MAGI1: variants seen among roughly 807,000 people sequenced by gnomAD.
The protein encoded by MAGI1 is membrane-associated guanylate kinase, WW and PDZ domain-containing protein 1.
Under a neutral mutation model 139.9 loss-of-function variants are expected in MAGI1, and 58 were observed. The ratio of observed to expected loss-of-function variants is 0.41; its 90% CI spans 0.34 to 0.52. The LOEUF (loss-of-function observed/expected upper bound fraction) is 0.52, where lower values mean the gene tolerates loss of function less well. MAGI1 is among the 20% of genes least tolerant of loss of function. The probability of loss-of-function intolerance (pLI) is 0.12; values close to 1 mark genes in which losing one functional copy is unlikely to be tolerated. For missense variants in MAGI1, 1,874 were observed against 1,901.6 expected (o/e 0.99, Z 0.27); for synonymous variants, 812 against 737.9 (o/e 1.10, Z -1.63).
At chr3:65,609,753 T>C in intron 2 of MAGI1, 1 of 332,846 alleles carries the variant, frequency 3.0e-6, no homozygotes, top group South Asian at 2.6e-5. Flanking sequence ...CCTGGGTAAT[T>C]TTTTGTAGAG....
chr3:65,891,516 A>C (rs1288280056), intron 1 of MAGI1, among the ~76,000 whole-genome samples: 2 of 152,176 alleles, frequency 1.3e-5, no homozygotes. Flanking sequence ...TGTTAGATTA[A>C]GGGACAGAAG....
intron 2 of MAGI1, among the ~76,000 whole-genome samples, chr3:65,609,578 T>C (rs2082933633): frequency 6.6e-6 from 1 of 151,384 alleles, no homozygotes. Context: ...CGGGTTTTTT[T>C]TGTTTTTTGT....
At chr3:65,713,088 A>G (rs2031706658) in intron 1 of MAGI1, among the ~76,000 whole-genome samples, 1 of 152,220 alleles carries the variant, frequency 6.6e-6, no homozygotes, top group Non-Finnish European at 1.5e-5. Flanking sequence ...AAAGTCCTAG[A>G]GAGAGAATAG....
intron 1 of MAGI1, among the ~76,000 whole-genome samples, chr3:65,955,095 C>G (rs748285899): frequency 1.6e-4 from 25 of 151,792 alleles, no homozygotes; most frequent in Non-Finnish European, 3.1e-4. Flanking sequence ...CTTAACTTCC[C>G]GAAAGAGAGA....
chr3:65,364,598 A>G, intron 20 of MAGI1, 67 bp downstream of exon 20: 1 of 1,398,456 alleles, frequency 7.2e-7, no homozygotes, highest in Admixed American at 1.8e-5. Context: ...AATATCCCAT[A>G]AAAGTAGCTT....
intron 1 of MAGI1, among the ~76,000 whole-genome samples, chr3:65,729,553 T>G (rs1386912401): frequency 2.6e-5 from 4 of 152,226 alleles, no homozygotes; most frequent in Non-Finnish European, 4.4e-5. Flanking sequence ...GAAACAACAC[T>G]GAATCTAACT....
intron 2 of MAGI1, among the ~76,000 whole-genome samples, chr3:65,593,013 C>G (rs1375794412): frequency 6.6e-6 from 1 of 152,102 alleles, no homozygotes; most frequent in Admixed American, 6.5e-5. Flanking sequence ...ACATAGTAGG[C>G]ACTCAAATAT....
At chr3:65,502,099 A>G (rs1321027667) in intron 2 of MAGI1, among the ~76,000 whole-genome samples, 2 of 152,216 alleles carry the variant, frequency 1.3e-5, no homozygotes, top group Non-Finnish European at 2.9e-5. Context: ...TGGTGGTTGC[A>G]CGACTGTGCT....
At chr3:65,710,953 T>C (rs962613096) in intron 1 of MAGI1, among the ~76,000 whole-genome samples, 8 of 152,222 alleles carry the variant, frequency 5.3e-5, no homozygotes, top group African/African-American at 1.7e-4. Context: ...CCCCTAAATA[T>C]AGACCTTCAA....
intron 1 of MAGI1, among the ~76,000 whole-genome samples, chr3:65,722,899 G>A (rs2033200023): frequency 1.3e-5 from 2 of 152,000 alleles, no homozygotes; most frequent in South Asian, 4.2e-4. Flanking sequence ...TAGGGGAGGG[G>A]TGGAGGGGCT....
At chr3:65,471,054 GGA>G (rs1412748454) in intron 4 of MAGI1, among the ~76,000 whole-genome samples, 3 of 152,172 alleles carry the variant, frequency 2.0e-5, no homozygotes, top group Non-Finnish European at 2.9e-5. Flanking sequence ...TTTAGAATAT[GGA>G]GAGAGCTATA....
chr3:65,982,234 G>A (rs957861153), intron 1 of MAGI1, among the ~76,000 whole-genome samples: 2 of 152,254 alleles, frequency 1.3e-5, no homozygotes, highest in African/African-American at 4.8e-5. Context: ...GACTTAGGAA[G>A]AAGGCTTCCA....
chr3:65,832,484 A>G (rs1340239854), intron 1 of MAGI1, among the ~76,000 whole-genome samples: 2 of 152,130 alleles, frequency 1.3e-5, no homozygotes, highest in Non-Finnish European at 2.9e-5. Flanking sequence ...GTCTCTGAAT[A>G]CGACATGGTC....
At chr3:65,777,850 A>C (rs936574317) in intron 1 of MAGI1, among the ~76,000 whole-genome samples, 1 of 152,166 alleles carries the variant, frequency 6.6e-6, no homozygotes. Context: ...TCTGTGAAAG[A>C]TTAAATTAAA....
intron 1 of MAGI1, among the ~76,000 whole-genome samples, chr3:65,976,633 AC>A (rs2065280661): frequency 6.6e-6 from 1 of 152,038 alleles, no homozygotes; most frequent in Admixed American, 6.6e-5. Context: ...TCTGTCTCAA[AC>A]AAACAAAAAA....
chr3:65,356,463 T>TTCAGATTCGCCTCTTCCCTTTC lies in MAGI1; in HGVS notation c.4282_4303dup (p.Lys1435ArgfsTer30), dbSNP rs1261500112. On this transcript the variant is annotated frameshift_variant, in exon 23 of 23. Coordinates refer to ENST00000402939, the MANE Select transcript of MAGI1 (RefSeq NM_001033057.2). LOFTEE classifies it high-confidence loss of function. Reference sequence around the variant, plus strand: ...TCTGGAACTTCTGCCGGCATCCTGTTTCAGATTCGCCTCTTCCCTTTCTCG... The same window carrying TTCAGATTCGCCTCTTCCCTTTC: ...TCTGGAACTTCTGCCGGCATCCTGTTTCAGATTCGCCTCTTCCCTTTCTCAGATTCGCCTCTTCCCTTTCTCG... The TTCAGATTCGCCTCTTCCCTTTC allele has an allele frequency of 6.2e-7, 1 of 1,612,076 alleles. No homozygotes were observed. Among genetic ancestry groups the TTCAGATTCGCCTCTTCCCTTTC allele is most frequent in the Admixed American group, 1.7e-5 (1 of 60,000 alleles).
At position 65,358,974 on chromosome 3, in the gene MAGI1, T is replaced by C. The variant is rs551976133; in HGVS notation, c.3635-1842A>G. 6.6e-5 allele frequency: 78 copies of C among 1,177,822 alleles called. No individual in the cohort carries two copies. The African/African-American group carries it at 7.1e-4, about 11-fold the overall frequency. 73.0% of individuals were successfully genotyped at this position (1,177,822 alleles called of 1,614,324 possible). A position where few individuals can be genotyped will look rare whatever the true frequency, so the allele number is the denominator to read the frequency against. On this transcript the variant is annotated intron_variant, in intron 22 of 22. Transcript: ENST00000402939. ...AAGAACGCAGGGTGCTCAGAATGAA[T>C]TGCCAAACATATCAAAACAGAGCTA...
At chr3:65,829,053 C>T (rs1443800661) in intron 1 of MAGI1, among the ~76,000 whole-genome samples, 1 of 152,178 alleles carries the variant, frequency 6.6e-6, no homozygotes, top group African/African-American at 2.4e-5. Context: ...ATCTTTACCC[C>T]AGAACTTTTA....
At chr3:65,698,652 C>G (rs2089381684) in intron 1 of MAGI1, among the ~76,000 whole-genome samples, 1 of 151,848 alleles carries the variant, frequency 6.6e-6, no homozygotes, top group Non-Finnish European at 1.5e-5. Context: ...ATAAATGGCG[C>G]TGGGAAAACT....
Sources: gnomAD v4.1 joint callset for allele counts (sites outside exome capture counted in the v4.1 genomes callset) on GRCh38, gnomAD v4.1.1 for gene constraint, MANE v1.5 for transcripts, NCBI Gene and HGNC (gene_info 2026-07-23, HGNC 2026-07-21) for gene names.